The following ALS2 variants were observed in gnomAD, a reference collection of about 807,000 sequenced individuals.
The protein encoded by ALS2 is alsin Rho guanine nucleotide exchange factor ALS2, also known as alsin.
A neutral mutation model predicts 203.4 loss-of-function variants in ALS2; 117 were observed. The observed-to-expected ratio is 0.58, with a 90% CI of 0.50 to 0.67. The LOEUF is 0.67. Among genes scored for constraint, ALS2 ranks in the 30% least tolerant of loss-of-function variants. ALS2 has a pLI of 0.00. For missense variants in ALS2, 1,715 were observed against 1,989.4 expected (o/e 0.86, Z 2.62); for synonymous variants, 718 against 725.9 (o/e 0.99, Z 0.17).
At chr2:201,760,824 A>G in intron 4 of ALS2, 57 bp downstream of exon 4, 1 of 1,533,308 alleles carries the variant, frequency 6.5e-7, no homozygotes, top group Non-Finnish European at 8.8e-7. Context: ...TTTCTAAAGA[A>G]AAGCCCATAC....
At chr2:201,720,864 A>C (rs957757033) in intron 23 of ALS2, among the ~76,000 whole-genome samples, 7 of 152,310 alleles carry the variant, frequency 4.6e-5, no homozygotes, top group South Asian at 2.1e-4. Flanking sequence ...AAAGAAATAA[A>C]AGCCTTCCAT....
intron 17 of ALS2, 65 bp downstream of exon 17, chr2:201,727,143 CTTCT>C: frequency 7.4e-7 from 1 of 1,346,048 alleles, no homozygotes; most frequent in Non-Finnish European, 1.1e-6. Flanking sequence ...ATTTATATTT[CTTCT>C]TTATTACACA....
chr2:201,709,653 T>C (rs1689918859), intron 27 of ALS2, among the ~76,000 whole-genome samples: 1 of 152,224 alleles, frequency 6.6e-6, no homozygotes, highest in Non-Finnish European at 1.5e-5. Flanking sequence ...ACCCCAAACA[T>C]TTATTTTAGC....
At position 201,702,693 on chromosome 2, in the gene ALS2, ACTAGT is replaced by A. The variant is rs1689464824; in HGVS notation, c.4936-809_4936-805del. On this transcript the variant is annotated intron_variant, in intron 33 of 33. Transcript: ENST00000264276. ...TGAGTATTTTTCTACATGTAAACTT[ACTAGT>A]TCAGTTTCTTCTTTGGTGATCTGTT... 3.3e-5 allele frequency among the ~76,000 whole-genome samples: 5 copies of A among 152,332 alleles called. No homozygotes were observed. The South Asian group carries it at 8.3e-4, about 25-fold the overall frequency.
rs531480821 is a variant in ALS2 at position 201,732,019 on chromosome 2, T to C, written c.2580+1257A>G. ...TCTCAACAATTCTAAGCTGATCTGG[T>C]GGAAAATTTTTTTATTAATTGAGGC... On this transcript the variant is annotated intron_variant, in intron 13 of 33. Transcript: ENST00000264276. Among the ~76,000 whole-genome samples, 248 of 152,210 alleles carry C rather than the reference T, an allele frequency of 1.6e-3. 1 individual carries two copies. The highest frequency in any genetic ancestry group is 5.7e-3 in the African/African-American group (238 of 41,524).
At chr2:201,722,290 TC>T (rs1282918384) in intron 23 of ALS2, 1 of 152,246 alleles carries the variant, frequency 6.6e-6, no homozygotes, top group Non-Finnish European at 1.5e-5. Context: ...AGATACCACT[TC>T]ATACCCATTG....
chr2:201,729,033 G>A lies in ALS2; in HGVS notation c.2712+19C>T, dbSNP rs370372804. On this transcript the variant is annotated intron_variant, in intron 14 of 33. Coordinates refer to ENST00000264276, the MANE Select transcript of ALS2 (RefSeq NM_020919.4). ...GTTGCTGTTTGCTAGGGTAACAAAT[G>A]ACAACTGGCATGGCTTACCGTCATT... is the stretch of plus-strand genomic sequence containing the variant. The A allele has an allele frequency of 6.2e-7, 1 of 1,613,914 alleles. No individual in the cohort carries two copies. Among genetic ancestry groups the A allele is most frequent in the Non-Finnish European group, 8.5e-7 (1 of 1,179,966 alleles).
At chr2:201,736,565 AC>A (rs1383250475) in intron 12 of ALS2, among the ~76,000 whole-genome samples, 9 of 152,184 alleles carry the variant, frequency 5.9e-5, no homozygotes, top group Non-Finnish European at 8.8e-5. Context: ...TAAGAAGTTA[AC>A]AGGTGAACAA....
At position 201,702,649 on chromosome 2, in the gene ALS2, C is replaced by A. The variant is rs530965313; in HGVS notation, c.4936-760G>T. ...TGGTACCTTATTTAAATCTGCAGTA[C>A]TACGATTTTCAGTGAGGTTGAGTAT... is the stretch of plus-strand genomic sequence containing the variant. On this transcript the variant is annotated intron_variant, in intron 33 of 33. Coordinates refer to ENST00000264276, the MANE Select transcript of ALS2 (RefSeq NM_020919.4). 6.6e-5 allele frequency among the ~76,000 whole-genome samples: 10 copies of A among 152,248 alleles called. No individual in the cohort carries two copies. In the East Asian group the frequency reaches 1.9e-3, roughly 29 times the overall value.
intron 3 of ALS2, among the ~76,000 whole-genome samples, chr2:201,764,607 C>T (rs1460919179): frequency 6.6e-6 from 1 of 151,458 alleles, no homozygotes; most frequent in Admixed American, 6.6e-5. Flanking sequence ...ACACTCCAGC[C>T]AGGGCAACAG....
At chr2:201,738,318 A>G (rs1692015004) in intron 12 of ALS2, among the ~76,000 whole-genome samples, 3 of 152,224 alleles carry the variant, frequency 2.0e-5, no homozygotes, top group Admixed American at 2.0e-4. Flanking sequence ...TTTTCTGTGC[A>G]TCATCACATA....
In ALS2 at chr2:201,757,641, T is replaced by TA; in HGVS notation, c.1231dup (p.Tyr411LeufsTer2). On this transcript the variant is annotated frameshift_variant, in exon 5 of 34. Coordinates refer to ENST00000264276, the MANE Select transcript of ALS2 (RefSeq NM_020919.4). LOFTEE classifies it high-confidence loss of function. ...CTTCAGTGACAAGGCACCAGCTTCA[T>TA]AAGTAGCAGCCACTCTCACACCAAC... 1 of 1,614,184 alleles carries TA rather than the reference T, an allele frequency of 6.2e-7. No individual in the cohort carries two copies.
chr2:201,706,210 A>C (rs1002839604), intron 29 of ALS2, among the ~76,000 whole-genome samples: 5 of 151,654 alleles, frequency 3.3e-5, no homozygotes, highest in African/African-American at 1.2e-4. Context: ...ACATGGCAAA[A>C]CTCCATCTAT....
Position 201,757,340 on chromosome 2 carries a change from C to T in ALS2, c.1471+62G>A, listed in dbSNP as rs541343109. On this transcript the variant is annotated intron_variant, in intron 5 of 33. Coordinates refer to ENST00000264276, the MANE Select transcript of ALS2 (RefSeq NM_020919.4). Reference sequence around the variant, plus strand: ...ACAGCTTTTTTAATAATACAGCATGCGATGTCAGGAGCATCCTGGATTCCC... The same window carrying T: ...ACAGCTTTTTTAATAATACAGCATGTGATGTCAGGAGCATCCTGGATTCCC... 8.2e-4 allele frequency: 1,072 copies of T among 1,310,848 alleles called. 2 individuals are homozygous for T. The highest frequency in any genetic ancestry group is 1.1e-3 in the Non-Finnish European group (982 of 905,066). 81.2% of individuals were successfully genotyped at this position (1,310,848 alleles called of 1,614,324 possible). A position where few individuals can be genotyped will look rare whatever the true frequency, so the allele number is the denominator to read the frequency against.
chr2:201,735,141 A>C (rs1459989056), intron 12 of ALS2, among the ~76,000 whole-genome samples: 1 of 152,122 alleles, frequency 6.6e-6, no homozygotes, highest in African/African-American at 2.4e-5. Context: ...CGACTCATAT[A>C]AGGTACCTAG....
chr2:201,724,202 TG>T (rs1280997571), intron 21 of ALS2, 92 bp downstream of exon 21: 17 of 1,371,878 alleles, frequency 1.2e-5, no homozygotes, highest in Non-Finnish European at 1.7e-5. Flanking sequence ...CTAATCTCCA[TG>T]AAAAAGACAA....
chr2:201,738,513 A>C lies in ALS2; in HGVS notation c.2417+157T>G, dbSNP rs1009910346. ...CTTATAATGATAACCAGTGGCTAAT[A>C]GTACCTGTCCTTTATAAGACTTACT... is the stretch of plus-strand genomic sequence containing the variant. On this transcript the variant is annotated intron_variant, in intron 12 of 33. Coordinates refer to ENST00000264276, the MANE Select transcript of ALS2 (RefSeq NM_020919.4). The C allele has an allele frequency of 7.1e-6, 5 of 701,452 alleles. No homozygotes were observed. In the African/African-American group the frequency reaches 7.2e-5, roughly 10 times the overall value. The allele number at this position is 701,452 out of a possible 1,614,324, so 43.5% of individuals were successfully genotyped here.
chr2:201,740,117 G>A (rs897251994), intron 11 of ALS2, among the ~76,000 whole-genome samples: 12 of 151,898 alleles, frequency 7.9e-5, no homozygotes, highest in Admixed American at 6.6e-5. Context: ...TTATGCCCAG[G>A]AGTTTGAGAC....
intron 23 of ALS2, among the ~76,000 whole-genome samples, chr2:201,719,104 A>C (rs1349673757): frequency 2.0e-5 from 3 of 152,250 alleles, no homozygotes; most frequent in Admixed American, 1.3e-4. Flanking sequence ...ATAAGTTTCT[A>C]AAATCAAGAG....
Sources: allele counts gnomAD v4.1 joint callset (sites outside exome capture counted in the v4.1 genomes callset), GRCh38; gene constraint gnomAD v4.1.1; transcripts MANE v1.5; gene names NCBI Gene and HGNC (gene_info 2026-07-23, HGNC 2026-07-21).